The following SUN1 variants were observed in gnomAD, a reference collection of about 807,000 sequenced individuals.
The protein encoded by SUN1 is Sad1 and UNC84 domain containing 1.
SUN1 carries 61 observed loss-of-function variants against 103.2 expected under a neutral mutation model. The observed-to-expected ratio is 0.59, with a 90% CI of 0.48 to 0.73. The LOEUF (loss-of-function observed/expected upper bound fraction) is 0.73, where lower values mean the gene tolerates loss of function less well. Ranked by LOEUF, SUN1 falls within the 30% of genes least tolerant of loss-of-function variation. The probability of loss-of-function intolerance (pLI) is 0.00; values close to 1 mark genes in which losing one functional copy is unlikely to be tolerated. For synonymous variants in SUN1, 490 were observed against 425.7 expected (o/e 1.15, Z -1.86); for missense variants, 1,052 against 1,034.6 (o/e 1.02, Z -0.23).
chr7:831,612 T>C (rs1465613380), upstream of SUN1, among the ~76,000 whole-genome samples: 2 of 152,260 alleles, frequency 1.3e-5, no homozygotes, highest in Non-Finnish European at 2.9e-5. Context: ...TGCTTGTCGA[T>C]ACTTGTAGGT....
intron 1 of SUN1, among the ~76,000 whole-genome samples, chr7:834,277 A>G (rs1230553505): frequency 1.3e-5 from 2 of 151,564 alleles, no homozygotes; most frequent in African/African-American, 4.9e-5. Flanking sequence ...GGAACTCCTG[A>G]AAGGATTTAA....
chr7:845,869 G>A (rs1199958823), intron 5 of SUN1, among the ~76,000 whole-genome samples: 1 of 152,098 alleles, frequency 6.6e-6, no homozygotes, highest in Non-Finnish European at 1.5e-5. Flanking sequence ...AACCATTAAC[G>A]TGTGCGGCTT....
chr7:869,131 T>C, intron 16 of SUN1: 1 of 582,274 alleles, frequency 1.7e-6, no homozygotes, highest in Non-Finnish European at 3.0e-6. Flanking sequence ...AAGGTTCTGG[T>C]CGTTTTAACT....
chr7:842,176 T>C, intron 3 of SUN1, 46 bp downstream of exon 3: 1 of 1,592,094 alleles, frequency 6.3e-7, no homozygotes, highest in Non-Finnish European at 8.6e-7. Flanking sequence ...AGTTGGGGTG[T>C]TTCTCAGATT....
intron 10 of SUN1, among the ~76,000 whole-genome samples, chr7:853,959 C>T (rs1238998873): frequency 6.6e-6 from 1 of 152,038 alleles, no homozygotes; most frequent in Non-Finnish European, 1.5e-5. Flanking sequence ...CGCTCTGTCC[C>T]TGCAGACAGG....
intron 1 of SUN1, among the ~76,000 whole-genome samples, chr7:836,789 G>A (rs1047091401): frequency 2.6e-5 from 4 of 152,242 alleles, no homozygotes; most frequent in African/African-American, 4.8e-5. Flanking sequence ...GCCCAGTCAG[G>A]TTGACACATG....
intron 5 of SUN1, among the ~76,000 whole-genome samples, chr7:846,057 G>T (rs749085647): frequency 3.9e-5 from 6 of 152,120 alleles, no homozygotes; most frequent in Admixed American, 6.5e-5. Context: ...TTTTCATTTT[G>T]TATGTTAATT....
At chr7:847,421 G>A (rs1817139121) in intron 5 of SUN1, among the ~76,000 whole-genome samples, 1 of 148,864 alleles carries the variant, frequency 6.7e-6, no homozygotes, top group East Asian at 2.0e-4. Context: ...TTACCCCGCA[G>A]CACCCTCTCC....
chr7:825,728 T>C (rs1044420694), intron 1 of SUN1, among the ~76,000 whole-genome samples: 7 of 152,250 alleles, frequency 4.6e-5, no homozygotes, highest in African/African-American at 1.2e-4. Context: ...GTTTATTATG[T>C]TGTAGAAGTA....
intron 16 of SUN1, among the ~76,000 whole-genome samples, chr7:866,623 C>T (rs1468157924): frequency 7.2e-6 from 1 of 139,492 alleles, no homozygotes; most frequent in African/African-American, 2.7e-5. Flanking sequence ...GTCTCCCCAC[C>T]ATCTCCCCGG....
chr7:848,429 TTC>T (rs1414358995), intron 5 of SUN1: 1 of 1,359,736 alleles, frequency 7.4e-7, no homozygotes, highest in Non-Finnish European at 9.8e-7. Context: ...CGGTGCGTCT[TTC>T]TACGTGAATA....
Position 869,363 on chromosome 7 carries a change from C to CAACTG in SUN1, c.1995_1996insAACTG (p.Gly666AsnfsTer17). 1 of 1,613,556 alleles carries CAACTG rather than the reference C, an allele frequency of 6.2e-7. No homozygotes were observed. Among genetic ancestry groups the CAACTG allele is most frequent in the Non-Finnish European group, 8.5e-7 (1 of 1,179,678 alleles). On this transcript the variant is annotated frameshift_variant, in exon 17 of 19. Transcript: ENST00000401592. LOFTEE classifies it high-confidence loss of function. ...CCTTTCCCCAGCCTGACATTTACCC[C>CAACTG]GGTAACTGCTGGGCATTTAAAGGCT...
chr7:842,252 G>A (rs773525293), intron 3 of SUN1, 122 bp downstream of exon 3: 55 of 1,085,986 alleles, frequency 5.1e-5, no homozygotes, highest in African/African-American at 2.2e-4. Flanking sequence ...GGGAGAGGGA[G>A]GCTGTGGCCA....
chr7:835,685 T>G (rs1802352772), intron 1 of SUN1, among the ~76,000 whole-genome samples: 1 of 152,196 alleles, frequency 6.6e-6, no homozygotes. Flanking sequence ...ACAGCTTGAG[T>G]CTGTGCTGTC....
intron 15 of SUN1, among the ~76,000 whole-genome samples, chr7:865,388 A>G (rs1017524675): frequency 2.6e-4 from 39 of 151,898 alleles, no homozygotes; most frequent in African/African-American, 7.5e-4. Context: ...TGGGATTACA[A>G]GCGTGAGCCA....
At chr7:817,385 C>T (rs936087030) in intron 1 of SUN1, 3 of 1,533,608 alleles carry the variant, frequency 2.0e-6, no homozygotes. Flanking sequence ...CCTGTTGCGC[C>T]TTCAAAGTGC....
intron 2 of SUN1, among the ~76,000 whole-genome samples, chr7:841,169 G>C (rs1397258030): frequency 6.6e-6 from 1 of 151,668 alleles, no homozygotes; most frequent in Non-Finnish European, 1.5e-5. Context: ...CCGACCTCAG[G>C]TGATCCGCCT....
At chr7:860,488 C>G (rs1156760975) in intron 14 of SUN1, 106 bp downstream of exon 14, 1 of 1,532,314 alleles carries the variant, frequency 6.5e-7, no homozygotes, top group African/African-American at 1.4e-5. Flanking sequence ...TAAGAGTGGT[C>G]TGGCTGGGGT....
chr7:869,889 T>C (rs928112744), intron 17 of SUN1, among the ~76,000 whole-genome samples: 11 of 152,100 alleles, frequency 7.2e-5, no homozygotes, highest in Admixed American at 5.2e-4. Flanking sequence ...CATACTGTGG[T>C]ATTTTCTGGT....
Sources: gnomAD v4.1 joint callset for allele counts (sites outside exome capture counted in the v4.1 genomes callset) on GRCh38, gnomAD v4.1.1 for gene constraint, MANE v1.5 for transcripts, NCBI Gene and HGNC (gene_info 2026-07-23, HGNC 2026-07-21) for gene names.